The following SV2B variants were observed in gnomAD, a reference collection of about 807,000 sequenced individuals.
SV2B encodes synaptic vesicle glycoprotein 2B.
SV2B carries 41 observed loss-of-function variants against 73.9 expected under a neutral mutation model. That is an observed-to-expected ratio of 0.56 (90% CI 0.43 to 0.72). The LOEUF is 0.72. Ranked by LOEUF, SV2B falls within the 30% of genes least tolerant of loss-of-function variation. The pLI is 0.00. For missense variants in SV2B, 764 were observed against 857.8 expected, an observed-to-expected ratio of 0.89 and a Z score of 1.37; for synonymous variants, 314 against 314.2, an observed-to-expected ratio of 1.00 and a Z score of 0.01.
In SV2B at chr15:91,282,739, G is replaced by T. The variant is rs142601148; in HGVS notation, c.1507+878G>T. On this transcript the variant is annotated intron_variant, in intron 10 of 12. Coordinates refer to ENST00000394232, the MANE Select transcript of SV2B (RefSeq NM_001323032.3). ...CTATGCTTTATTCTTGGCATCAGCA[G>T]CAAGGGATAGTTTATATAAGAACAT... is the stretch of plus-strand genomic sequence containing the variant. 2.6e-4 allele frequency among the ~76,000 whole-genome samples: 39 copies of T among 152,288 alleles called. 1 individual carries two copies. The highest frequency in any genetic ancestry group is 9.1e-4 in the African/African-American group (38 of 41,566).
chr15:91,181,647 A>G (rs1387778296), intron 1 of SV2B, among the ~76,000 whole-genome samples: 2 of 151,886 alleles, frequency 1.3e-5, no homozygotes, highest in Admixed American at 6.6e-5. Context: ...TCAGCTTATT[A>G]TCTGTAAATA....
chr15:91,300,176 T>C lies in SV2B; in HGVS notation c.*7624T>C, dbSNP rs1001004983. Reference sequence around the variant, plus strand: ...TTAGAGATTTGGCAGTTTTGCCACATTTCAAATGGGCCAAACATTAAAATA... The same window carrying C: ...TTAGAGATTTGGCAGTTTTGCCACACTTCAAATGGGCCAAACATTAAAATA... On this transcript the variant is annotated 3_prime_UTR_variant, in exon 13 of 13. Coordinates refer to ENST00000394232, the MANE Select transcript of SV2B (RefSeq NM_001323032.3). 2 of 152,230 alleles carry C rather than the reference T, an allele frequency of 1.3e-5. No homozygotes were observed. Among genetic ancestry groups the C allele is most frequent in the Non-Finnish European group, 2.9e-5 (2 of 68,048 alleles). 9.4% of individuals were successfully genotyped at this position (152,230 alleles called of 1,614,324 possible). A position where few individuals can be genotyped will look rare whatever the true frequency, so the allele number is the denominator to read the frequency against.
In SV2B at chr15:91,231,725, T is replaced by C. The variant is rs2046582649; in HGVS notation, c.451+5011T>C. ...GCTTCACTTTCAGGCAAGAGTTCCG[T>C]GTTTTGCCTGCAGAGTTTTCATTTC... is the stretch of plus-strand genomic sequence containing the variant. On this transcript the variant is annotated intron_variant, in intron 2 of 12. Transcript: ENST00000394232. The surrounding 1 kb of genome is among the most constrained non-coding windows in gnomAD (Gnocchi z 4.5). Among the ~76,000 whole-genome samples, 1 of 152,176 alleles carries C rather than the reference T, an allele frequency of 6.6e-6. No individual in the cohort carries two copies. Among genetic ancestry groups the C allele is most frequent in the South Asian group, 2.1e-4 (1 of 4,822 alleles).
intron 1 of SV2B, among the ~76,000 whole-genome samples, chr15:91,187,411 T>C (rs953003076): frequency 6.6e-6 from 1 of 152,234 alleles, no homozygotes; most frequent in African/African-American, 2.4e-5. Flanking sequence ...TCCAACCAGC[T>C]TGCTTACCAG....
rs534039214 is a variant in SV2B, at chr15:91,248,772, T to C, written c.452-3047T>C. Among the ~76,000 whole-genome samples the C allele has an allele frequency of 2.6e-5, 4 of 152,308 alleles. No homozygotes were observed. In the South Asian group the frequency reaches 8.3e-4, roughly 32 times the overall value. On this transcript the variant is annotated intron_variant, in intron 2 of 12. Transcript: ENST00000394232. ...GCCCATCTCAGGCCTGCTGGATCAG[T>C]ATATGATTTTAACAAGATCCCCAGG...
In SV2B at chr15:91,289,908, G is replaced by A. The variant is rs766885005; in HGVS notation, c.1868+228G>A. The stretch of plus-strand genomic sequence containing the variant: ...GGAAAGATGGCAAGAAGCAAAGGAT[G>A]GGAGCAAACTATGTCCAGGAGAAGG... On this transcript the variant is annotated intron_variant, in intron 12 of 12. Transcript: ENST00000394232. The surrounding 1 kb of genome is among the most constrained non-coding windows in gnomAD (Gnocchi z 4.9). 1.4e-3 allele frequency among the ~76,000 whole-genome samples: 210 copies of A among 152,314 alleles called. No individual in the cohort carries two copies. Among genetic ancestry groups the A allele is most frequent in the Non-Finnish European group, 2.0e-3 (138 of 68,022 alleles).
At chr15:91,243,298 C>T (rs1450599700) in intron 2 of SV2B, among the ~76,000 whole-genome samples, 1 of 152,202 alleles carries the variant, frequency 6.6e-6, no homozygotes, top group East Asian at 1.9e-4. Context: ...TTACCCGTCT[C>T]ACCTGGAGTC....
Position 91,261,016 on chromosome 15 carries a change from C to T in SV2B, c.1008+607C>T, listed in dbSNP as rs1032386247. ...TGTGTGGGAACGCAGAGCCACACCA[C>T]ATCAGAGGCCGAGGCTGGCAGATCA... On this transcript the variant is annotated intron_variant, in intron 6 of 12. Transcript: ENST00000394232. This position sits in a 1 kb window ranked among gnomAD's most constrained non-coding sequence, Gnocchi z 4.7. Among the ~76,000 whole-genome samples the T allele has an allele frequency of 6.6e-6, 1 of 152,122 alleles. No homozygotes were observed. The highest frequency in any genetic ancestry group is 1.5e-5 in the Non-Finnish European group (1 of 68,026).
chr15:91,203,636 T>A (rs1826090600), intron 1 of SV2B, among the ~76,000 whole-genome samples: 1 of 152,196 alleles, frequency 6.6e-6, no homozygotes, highest in Admixed American at 6.5e-5. Context: ...ATAAAAATAA[T>A]CTGGATTCCT....
chr15:91,194,520 C>A (rs369578023), intron 1 of SV2B, among the ~76,000 whole-genome samples: 11 of 152,108 alleles, frequency 7.2e-5, no homozygotes, highest in African/African-American at 2.2e-4. Flanking sequence ...CTTAGATATA[C>A]GTATGTTTAG....
intron 1 of SV2B, among the ~76,000 whole-genome samples, chr15:91,103,149 G>T (rs1283382716): frequency 6.6e-6 from 1 of 152,218 alleles, no homozygotes; most frequent in Non-Finnish European, 1.5e-5. Context: ...GAAGAAGGTT[G>T]GTTGGTAGAT....
In SV2B at chr15:91,299,365, T is replaced by A. The variant is rs2141845412; in HGVS notation, c.*6813T>A. On this transcript the variant is annotated 3_prime_UTR_variant, in exon 13 of 13. Transcript: ENST00000394232. Reference sequence around the variant, plus strand: ...CAAAATACTAAAAGTGACAAAACAATACTTCTTTAAAAATGTATTTTATGA... The same window carrying A: ...CAAAATACTAAAAGTGACAAAACAAAACTTCTTTAAAAATGTATTTTATGA... 1 of 152,250 alleles carries A rather than the reference T, an allele frequency of 6.6e-6. No individual in the cohort carries two copies. The highest frequency in any genetic ancestry group is 2.1e-4 in the South Asian group (1 of 4,818). 9.4% of individuals were successfully genotyped at this position (152,250 alleles called of 1,614,324 possible).
rs75691325 is a variant in SV2B, at chr15:91,301,954, A to C, written c.*9402A>C. ...CAGAGCCAAGTTCTGAATGCTCATCACCTGGCATATAGTATGGTATAATCA... is the reference window on the plus strand; with the variant it reads ...CAGAGCCAAGTTCTGAATGCTCATCCCCTGGCATATAGTATGGTATAATCA... On this transcript the variant is annotated 3_prime_UTR_variant, in exon 13 of 13. Transcript: ENST00000394232. This position sits in a 1 kb window ranked among gnomAD's most constrained non-coding sequence, Gnocchi z 4.3. Among the ~76,000 whole-genome samples the C allele has an allele frequency of 8.3e-3, 1,269 of 152,286 alleles. 17 individuals carry two copies. The highest frequency in any genetic ancestry group is 0.052 in the East Asian group (269 of 5,184).
chr15:91,273,226 T>G (rs1227376104), intron 9 of SV2B, among the ~76,000 whole-genome samples: 1 of 152,198 alleles, frequency 6.6e-6, no homozygotes, highest in Admixed American at 6.5e-5. Flanking sequence ...CAATGCAGCT[T>G]CTGGTTTCTT....
chr15:91,249,071 C>CAT (rs372871471), intron 2 of SV2B, among the ~76,000 whole-genome samples: 1,068 of 18,756 alleles, frequency 0.057, 6 homozygotes, highest in East Asian at 0.26. Flanking sequence ...TACGTTTTCA[C>CAT]ACACACACAC....
intron 1 of SV2B, among the ~76,000 whole-genome samples, chr15:91,150,023 T>A (rs1020851772): frequency 6.6e-6 from 1 of 152,092 alleles, no homozygotes; most frequent in African/African-American, 2.4e-5. Flanking sequence ...TGTTTATTTT[T>A]TGACAGAGTC....
intron 1 of SV2B, among the ~76,000 whole-genome samples, chr15:91,194,930 C>T (rs73505195): frequency 0.033 from 4,947 of 152,140 alleles, 258 homozygotes; most frequent in African/African-American, 0.11. Flanking sequence ...TAGTTTGTCA[C>T]GTCCTCATTT....
At chr15:91,154,517 C>T (rs1402999351) in intron 1 of SV2B, among the ~76,000 whole-genome samples, 1 of 152,222 alleles carries the variant, frequency 6.6e-6, no homozygotes, top group African/African-American at 2.4e-5. Context: ...AGGTATTGAT[C>T]TCAGCGTCTG....
intron 9 of SV2B, among the ~76,000 whole-genome samples, chr15:91,276,379 T>TA (rs1419997673): frequency 1.3e-5 from 2 of 152,086 alleles, no homozygotes; most frequent in African/African-American, 2.4e-5. Flanking sequence ...TTTAGGAAAA[T>TA]CCTTTGCCTT....
Sources: allele counts gnomAD v4.1 joint callset (sites outside exome capture counted in the v4.1 genomes callset), GRCh38; gene constraint gnomAD v4.1.1; non-coding constraint Gnocchi (gnomAD v3.1); transcripts MANE v1.5; gene names NCBI Gene and HGNC (gene_info 2026-07-23, HGNC 2026-07-21).